BRD10: variants seen among roughly 807,000 people sequenced by gnomAD.
BRD10 encodes bromodomain containing 10.
chr9:5,926,317 T>TA, the BRD10 span, among the ~76,000 whole-genome samples: 1 of 152,016 alleles, frequency 6.6e-6, no homozygotes, highest in South Asian at 2.1e-4. Flanking sequence ...AATTTTAACT[T>TA]AGTTTTTTGA....
chr9:5,892,389 TGA>T, the BRD10 span: 1 of 1,187,886 alleles, frequency 8.4e-7, no homozygotes, highest in Non-Finnish European at 1.2e-6. Flanking sequence ...TGGGTCTTTA[TGA>T]GATGATGAAT....
At chr9:5,957,682 G>C in the BRD10 span, among the ~76,000 whole-genome samples, 4 of 151,888 alleles carry the variant, frequency 2.6e-5, no homozygotes, top group African/African-American at 9.7e-5. Flanking sequence ...ATTAGGGTTG[G>C]ATGATTTGTA....
the BRD10 span, among the ~76,000 whole-genome samples, chr9:5,977,367 G>A: frequency 6.6e-6 from 1 of 152,172 alleles, no homozygotes; most frequent in Non-Finnish European, 1.5e-5. Context: ...GGCTGGTATA[G>A]GCCAGCATAA....
chr9:5,920,008 A>T, the BRD10 span: 4 of 1,613,986 alleles, frequency 2.5e-6, no homozygotes, highest in South Asian at 1.1e-5. Context: ...TTGGTACAGG[A>T]GGTGGAACAG....
At chr9:5,939,024 T>C in the BRD10 span, among the ~76,000 whole-genome samples, 6 of 152,120 alleles carry the variant, frequency 3.9e-5, no homozygotes, top group African/African-American at 1.4e-4. Context: ...AAATATTGAC[T>C]TGATACCTTA....
chr9:5,885,882 G>C, the BRD10 span, among the ~76,000 whole-genome samples: 1 of 152,184 alleles, frequency 6.6e-6, no homozygotes, highest in African/African-American at 2.4e-5. Flanking sequence ...TCTGCCTTCT[G>C]AAGAGCCAGT....
At chr9:5,933,218 GA>G in the BRD10 span, among the ~76,000 whole-genome samples, 1 of 152,176 alleles carries the variant, frequency 6.6e-6, no homozygotes, top group Non-Finnish European at 1.5e-5. Flanking sequence ...TGAACACAGG[GA>G]TAAATTAACT....
chr9:5,921,326 G>C, the BRD10 span: 4 of 1,613,836 alleles, frequency 2.5e-6, no homozygotes, highest in Non-Finnish European at 3.4e-6. Context: ...TTTTATTGGT[G>C]TGCCCACTGT....
At chr9:5,893,642 G>C in the BRD10 span, among the ~76,000 whole-genome samples, 2 of 152,128 alleles carry the variant, frequency 1.3e-5, no homozygotes, top group African/African-American at 4.8e-5. Context: ...ATTAGTTAGG[G>C]TATCGTTTCA....
At chr9:5,934,956 C>T in the BRD10 span, among the ~76,000 whole-genome samples, 1 of 152,048 alleles carries the variant, frequency 6.6e-6, no homozygotes, top group African/African-American at 2.4e-5. Context: ...AATAAGTATT[C>T]ACCTATTTTT....
chr9:5,965,818 C>G, the BRD10 span, among the ~76,000 whole-genome samples: 1 of 152,078 alleles, frequency 6.6e-6, no homozygotes, highest in Non-Finnish European at 1.5e-5. Flanking sequence ...AAGGTATGCC[C>G]CGAACTGACT....
chr9:5,921,609 C>A, the BRD10 span: 1 of 1,614,010 alleles, frequency 6.2e-7, no homozygotes, highest in Non-Finnish European at 8.5e-7. Context: ...CTGATTACAT[C>A]TCCATTTGTT....
the BRD10 span, among the ~76,000 whole-genome samples, chr9:5,942,456 A>G: frequency 6.6e-6 from 1 of 152,314 alleles, no homozygotes; most frequent in East Asian, 1.9e-4. Flanking sequence ...ACATTTCATA[A>G]CATAAACATT....
chr9:5,931,348 G>A, the BRD10 span, among the ~76,000 whole-genome samples: 1 of 152,162 alleles, frequency 6.6e-6, no homozygotes, highest in African/African-American at 2.4e-5. Context: ...CTGTATTTCT[G>A]CCTCTGTTGA....
chr9:5,922,823 G>C, the BRD10 span: 3 of 1,613,986 alleles, frequency 1.9e-6, no homozygotes, highest in South Asian at 1.1e-5. Flanking sequence ...AGGACCTTTT[G>C]TATTGGTGTG....
chr9:5,914,598 T>C, the BRD10 span, among the ~76,000 whole-genome samples: 1 of 151,968 alleles, frequency 6.6e-6, no homozygotes, highest in South Asian at 2.1e-4. Flanking sequence ...TAATTTTTTG[T>C]ATTTTTAGTA....
the BRD10 span, chr9:5,914,206 G>A: frequency 3.1e-6 from 1 of 320,328 alleles, no homozygotes; most frequent in South Asian, 2.6e-5. Context: ...AAAATTGTAA[G>A]GGCTTACACA....
chr9:5,910,689 A>T, the BRD10 span: 1 of 152,226 alleles, frequency 6.6e-6, no homozygotes, highest in Non-Finnish European at 1.5e-5. Context: ...GGTGATGGAC[A>T]TGGAGACTTG....
the BRD10 span, among the ~76,000 whole-genome samples, chr9:5,955,115 T>G: frequency 6.6e-6 from 1 of 151,808 alleles, no homozygotes; most frequent in East Asian, 1.9e-4. Flanking sequence ...AAAATAAAAT[T>G]CTATTTTTAG....
Sources: allele counts gnomAD v4.1 joint callset (sites outside exome capture counted in the v4.1 genomes callset), GRCh38; gene constraint gnomAD v4.1.1; transcripts MANE v1.5; gene names NCBI Gene and HGNC (gene_info 2026-07-23, HGNC 2026-07-21).